ZNF888: variants seen among roughly 807,000 people sequenced by gnomAD.
The protein encoded by ZNF888 is CTD-2331H12.6.
ZNF888 carries 5 observed loss-of-function variants against 7.2 expected under a neutral mutation model. The observed-to-expected ratio is 0.70, with a 90% CI of 0.36 to 1.46. The LOEUF (loss-of-function observed/expected upper bound fraction) is 1.46. ZNF888 is among the 40% of genes most tolerant of loss of function. The probability of loss-of-function intolerance (pLI) is 0.03; values close to 1 mark genes in which losing one functional copy is unlikely to be tolerated. For synonymous variants in ZNF888, 240 were observed against 284.3 expected, an observed-to-expected ratio of 0.84 and a Z score of 1.57; for missense variants, 716 against 858.0, an observed-to-expected ratio of 0.83 and a Z score of 2.07.
chr19:52,907,854 T>A lies in ZNF888; in HGVS notation c.468A>T (p.Glu156Asp). The A allele has an allele frequency of 2.5e-6, 4 of 1,614,184 alleles. No homozygotes were observed. In the South Asian group the frequency reaches 4.4e-5, roughly 18 times the overall value. The change falls in exon 5 of 5, where the codon GAA becomes GAT. Residue 156 changes from glutamate to aspartate, a missense_variant. Glu to Asp is a conservative substitution (Grantham distance 45). Coordinates refer to ENST00000638862, the MANE Select transcript of ZNF888 (RefSeq NM_001393938.1). ...TCTCAAGTTGATTACCAATTTTCCCTTCGGGCTGAAATATGTGCAGTTCAG... is the reference window on the plus strand; with the variant it reads ...TCTCAAGTTGATTACCAATTTTCCCATCGGGCTGAAATATGTGCAGTTCAG... ...HLPELHIFQPEGKIGNQLEKS... is the reference protein window; with the variant it reads ...HLPELHIFQPDGKIGNQLEKS...
chr19:52,920,515 AAG>A (rs1291102652), intron 1 of ZNF888, among the ~76,000 whole-genome samples: 17 of 42,508 alleles, frequency 4.0e-4, no homozygotes, highest in African/African-American at 1.4e-3. Flanking sequence ...AAAAAAAAAA[AAG>A]AAAAAAAAAG....
At chr19:52,911,858 C>T (rs2064684089) in intron 4 of ZNF888, among the ~76,000 whole-genome samples, 1 of 151,784 alleles carries the variant, frequency 6.6e-6, no homozygotes, top group Admixed American at 6.6e-5. Flanking sequence ...ACTCTGTCGC[C>T]CAGGCTGGAG....
intron 4 of ZNF888, chr19:52,914,498 G>C: frequency 8.1e-6 from 2 of 245,426 alleles, no homozygotes; most frequent in Non-Finnish European, 1.3e-5. Flanking sequence ...ATTGCAGATA[G>C]ATCTAGGAAA....
At chr19:52,921,446 TAAG>T (rs1432350970) in intron 1 of ZNF888, among the ~76,000 whole-genome samples, 3 of 152,066 alleles carry the variant, frequency 2.0e-5, no homozygotes, top group Admixed American at 6.6e-5. Flanking sequence ...CTGAGATGAG[TAAG>T]AAGATGTGCC....
rs748654728 is a variant in ZNF888 at position 52,907,306 on chromosome 19, G to C, written c.1016C>G (p.Ser339Ter). The change falls in exon 5 of 5, where the codon TCA (serine) becomes TGA (stop). Residue 339 changes from serine to a stop codon, truncating the protein, a stop_gained. Coordinates refer to ENST00000638862, the MANE Select transcript of ZNF888 (RefSeq NM_001393938.1). LOFTEE classifies it low-confidence loss of function (END_TRUNC). ...NECGKVFNQQ[S>*]NLARHHRVHT... is the part of the protein sequence containing the mutation. Reference sequence around the variant, plus strand: ...AACTCTATGATGACGTGCAAGGTTTGATTGTTGATTAAAAACCTTGCCACA... The same window carrying C: ...AACTCTATGATGACGTGCAAGGTTTCATTGTTGATTAAAAACCTTGCCACA... 41 of 1,613,312 alleles carry C rather than the reference G, an allele frequency of 2.5e-5. No homozygotes were observed. The highest frequency in any genetic ancestry group is 3.4e-5 in the Non-Finnish European group (40 of 1,179,844).
Position 52,907,735 on chromosome 19 carries a change from A to C in ZNF888, c.587T>G (p.Phe196Cys), listed in dbSNP as rs1283952528. The part of the protein sequence containing the change: ...HISNNYGNNF[F>C]HSSLLTQKQD... ...TTTCTGTGTGAGTAATGAAGAATGGAAGAAATTATTCCCATAGTTATTAGA... is the reference window on the plus strand; with the variant it reads ...TTTCTGTGTGAGTAATGAAGAATGGCAGAAATTATTCCCATAGTTATTAGA... The change falls in exon 5 of 5, where the codon TTC becomes TGC. Residue 196 changes from phenylalanine (F) to cysteine (C), a missense_variant. Phe to Cys is a radical substitution (Grantham distance 205). This residue lies in a region of ZNF888 where 697 missense variants were observed against 803.4 expected (regional missense o/e 0.87). Transcript: ENST00000638862. 2.5e-6 allele frequency: 4 copies of C among 1,613,442 alleles called. No individual in the cohort carries two copies. The highest frequency in any genetic ancestry group is 3.4e-6 in the Non-Finnish European group (4 of 1,179,812).
intron 1 of ZNF888, among the ~76,000 whole-genome samples, chr19:52,923,039 G>A (rs1371729297): frequency 6.6e-6 from 1 of 152,178 alleles, no homozygotes; most frequent in Non-Finnish European, 1.5e-5. Context: ...GGGTGAGGCT[G>A]GGAAGCGCCA....
chr19:52,916,615 C>CATATATATACATATAT (rs1555828398), intron 3 of ZNF888, among the ~76,000 whole-genome samples: 4 of 131,482 alleles, frequency 3.0e-5, no homozygotes, highest in African/African-American at 1.2e-4. Flanking sequence ...TATACATATA[C>CATATATATACATATAT]ATATATATAT....
intron 4 of ZNF888, among the ~76,000 whole-genome samples, chr19:52,913,359 C>CT (rs2064708412): frequency 8.4e-6 from 1 of 118,730 alleles, no homozygotes; most frequent in African/African-American, 3.2e-5. Flanking sequence ...GAGTCTCACT[C>CT]TGTCACCCAG....
intron 3 of ZNF888, among the ~76,000 whole-genome samples, chr19:52,917,584 C>G (rs949998865): frequency 7.9e-5 from 12 of 152,160 alleles, no homozygotes; most frequent in East Asian, 7.7e-4. Context: ...CCGCCCAACA[C>G]CACTGACACC....
rs1285374996 is a variant in ZNF888, at chr19:52,905,177, A to G, written c.*988T>C. 1 of 152,230 alleles carries G rather than the reference A, an allele frequency of 6.6e-6. No individual in the cohort carries two copies. Among genetic ancestry groups the G allele is most frequent in the Non-Finnish European group, 1.5e-5 (1 of 68,088 alleles). 9.4% of individuals were successfully genotyped at this position (152,230 alleles called of 1,614,324 possible). On this transcript the variant is annotated 3_prime_UTR_variant, in exon 5 of 5. Coordinates refer to ENST00000638862, the MANE Select transcript of ZNF888 (RefSeq NM_001393938.1). Reference sequence around the variant, plus strand: ...CAACACGGTACCCATAAAAATGCCTATCAGTTGACATTCCACCACAAAAGA... The same window carrying G: ...CAACACGGTACCCATAAAAATGCCTGTCAGTTGACATTCCACCACAAAAGA...
rs933324632 is a variant in ZNF888 at position 52,907,645 on chromosome 19, C to G, written c.677G>C (p.Ser226Thr). ...TATCTGATGTTTTTTAAAGAGTGAG[C>G]TACAATTAAAGGATTTGCCACTCTC... ...FNESGKSFNC[S>T]SLFKKHQIIH... Residue 226 changes from serine (S) to threonine (T), a missense_variant, in exon 5 of 5, where the codon AGC becomes ACC. Physicochemically the swap from Ser to Thr is moderately conservative, Grantham distance 58. This residue lies in a region of ZNF888 where 697 missense variants were observed against 803.4 expected (regional missense o/e 0.87). Transcript: ENST00000638862. 3.7e-6 allele frequency: 6 copies of G among 1,604,976 alleles called. No individual in the cohort carries two copies. The highest frequency in any genetic ancestry group is 4.2e-6 in the Non-Finnish European group (5 of 1,176,578).
rs1005467998 is a variant in ZNF888, at chr19:52,911,439, C to G, written c.143-3260G>C. 2.0e-5 allele frequency among the ~76,000 whole-genome samples: 3 copies of G among 151,660 alleles called. No homozygotes were observed. The East Asian group carries it at 5.9e-4, about 30-fold the overall frequency. ...CTGCAACCTCCATCTCCCGGGTTCA[C>G]GCCATTCTCCTGCCTCAGCCTCCTG... On this transcript the variant is annotated intron_variant, in intron 4 of 4. Coordinates refer to ENST00000638862, the MANE Select transcript of ZNF888 (RefSeq NM_001393938.1).
At chr19:52,922,357 C>G (rs1161691564) in intron 1 of ZNF888, among the ~76,000 whole-genome samples, 2 of 152,040 alleles carry the variant, frequency 1.3e-5, no homozygotes, top group Non-Finnish European at 2.9e-5. Flanking sequence ...AGGTGTCCTC[C>G]CTGCTGTGGT....
chr19:52,921,601 A>G (rs543135907), intron 1 of ZNF888: 2 of 931,512 alleles, frequency 2.1e-6, no homozygotes, highest in Non-Finnish European at 2.6e-6. Flanking sequence ...TTAATTCCTA[A>G]CATTTAATTT....
At chr19:52,916,615 C>CATATACATATACATATATATATATAT (rs374760326) in intron 3 of ZNF888, among the ~76,000 whole-genome samples, 16 of 131,428 alleles carry the variant, frequency 1.2e-4, no homozygotes, top group African/African-American at 3.7e-4. Context: ...TATACATATA[C>CATATACATATACATATATATATATAT]ATATATATAT....
intron 4 of ZNF888, chr19:52,914,349 C>A (rs2064719745): frequency 1.0e-6 from 1 of 984,870 alleles, no homozygotes; most frequent in African/African-American, 1.7e-5. Context: ...TTTCACTTCA[C>A]TCTCCACAGT....
In ZNF888 at chr19:52,905,850, T is replaced by C. The variant is rs2064601148; in HGVS notation, c.*315A>G. The stretch of plus-strand genomic sequence containing the variant: ...TGACATTTGTAAGATTTCTGTCCAG[T>C]ATGGATTCTTTGATGTCTAATGAGG... On this transcript the variant is annotated 3_prime_UTR_variant, in exon 5 of 5. Coordinates refer to ENST00000638862, the MANE Select transcript of ZNF888 (RefSeq NM_001393938.1). 1.4e-6 allele frequency: 1 copy of C among 728,152 alleles called. No individual in the cohort carries two copies. The highest frequency in any genetic ancestry group is 1.6e-5 in the African/African-American group (1 of 61,956). The allele number at this position is 728,152 out of a possible 1,614,324, so 45.1% of individuals were successfully genotyped here.
At chr19:52,921,174 T>A (rs894745273) in intron 1 of ZNF888, among the ~76,000 whole-genome samples, 5 of 152,022 alleles carry the variant, frequency 3.3e-5, no homozygotes, top group African/African-American at 1.2e-4. Context: ...GGAAGTATTT[T>A]GATATCTGGG....
Sources: allele counts gnomAD v4.1 joint callset (sites outside exome capture counted in the v4.1 genomes callset), GRCh38; gene constraint gnomAD v4.1.1; regional missense constraint gnomAD v4.1.1; transcripts MANE v1.5; gene names NCBI Gene and HGNC (gene_info 2026-07-23, HGNC 2026-07-21).